The following SEC14L2 variants were observed in gnomAD, a reference collection of about 807,000 sequenced individuals.
SEC14L2 encodes SEC14 like lipid binding 2, also known as SEC14-like protein 2.
SEC14L2 carries 50 observed loss-of-function variants against 56.9 expected under a neutral mutation model. The observed-to-expected ratio is 0.88, with a 90% CI of 0.70 to 1.11. The LOEUF (loss-of-function observed/expected upper bound fraction) is 1.11. Ranked by LOEUF, SEC14L2 falls within the 50% of genes most tolerant of loss-of-function variation. The pLI, the probability that SEC14L2 is intolerant of heterozygous loss-of-function variation, is 0.00. For missense variants in SEC14L2, 414 were observed against 500.7 expected (o/e 0.83, Z 1.65); for synonymous variants, 179 against 188.5 (o/e 0.95, Z 0.41).
intron 2 of SEC14L2, among the ~76,000 whole-genome samples, chr22:30,401,680 A>ATTTTTT (rs61523027): frequency 7.1e-6 from 1 of 139,928 alleles, no homozygotes. Context: ...CGCCCGGCTA[A>ATTTTTT]TTTTTTTTTT....
intron 11 of SEC14L2, chr22:30,421,899 A>G (rs1201205193): frequency 5.8e-6 from 1 of 173,594 alleles, no homozygotes; most frequent in Admixed American, 5.9e-5. Context: ...CACAGCTATT[A>G]TTGTTATTAC....
intron 11 of SEC14L2, among the ~76,000 whole-genome samples, chr22:30,417,943 T>C (rs1444879525): frequency 1.3e-5 from 2 of 152,020 alleles, no homozygotes; most frequent in Non-Finnish European, 2.9e-5. Context: ...GGCGGAATAT[T>C]CTTATTAGTG....
At position 30,409,261 on chromosome 22, in the gene SEC14L2, T is replaced by C; in HGVS notation, c.498T>C (p.Pro166=). ...EGLGLKHLWK[P]AVEAYGEFLC... Reference sequence around the variant, plus strand: ...TTGGCCTCAAGCATCTCTGGAAGCCTGCTGTGGAGGCCTATGGAGAGGTGA... The same window carrying C: ...TTGGCCTCAAGCATCTCTGGAAGCCCGCTGTGGAGGCCTATGGAGAGGTGA... The change falls in exon 6 of 12, where the codon CCT becomes CCC. Residue 166 remains proline, a synonymous_variant. Coordinates refer to ENST00000615189, the MANE Select transcript of SEC14L2 (RefSeq NM_012429.5). 1 of 1,611,320 alleles carries C rather than the reference T, an allele frequency of 6.2e-7. No homozygotes were observed. The highest frequency in any genetic ancestry group is 8.5e-7 in the Non-Finnish European group (1 of 1,179,476).
At chr22:30,404,760 G>A (rs753228726) in intron 2 of SEC14L2, among the ~76,000 whole-genome samples, 5 of 152,168 alleles carry the variant, frequency 3.3e-5, no homozygotes, top group Non-Finnish European at 4.4e-5. Flanking sequence ...TGAGTTAAGG[G>A]TGTTGCCTGT....
At position 30,416,270 on chromosome 22, in the gene SEC14L2, T is replaced by C; in HGVS notation, c.948T>C (p.Phe316=). 1.2e-6 allele frequency: 2 copies of C among 1,614,220 alleles called. No individual in the cohort carries two copies. The highest frequency in any genetic ancestry group is 2.2e-5 in the East Asian group (1 of 44,882). ...QFMSDGADVG[F]GIFLKTKMGE... ...TGTCAGATGGAGCGGATGTTGGTTT[T>C]GGGATTTTCCTGAAGACCAAGATGG... The change falls in exon 11 of 12, where the codon TTT becomes TTC. Residue 316 remains phenylalanine (F), a synonymous_variant. Coordinates refer to ENST00000615189, the MANE Select transcript of SEC14L2 (RefSeq NM_012429.5).
chr22:30,424,686 C>T lies in SEC14L2; in HGVS notation c.*2279C>T. ...TTTTGCAGACGTGGGAACTGGGGCTCAGGGAGGCTAACAGCCAGTAGGCGG... is the reference window on the plus strand; with the variant it reads ...TTTTGCAGACGTGGGAACTGGGGCTTAGGGAGGCTAACAGCCAGTAGGCGG... On this transcript the variant is annotated 3_prime_UTR_variant, in exon 12 of 12. Coordinates refer to ENST00000615189, the MANE Select transcript of SEC14L2 (RefSeq NM_012429.5). The T allele has an allele frequency of 4.4e-6, 2 of 456,324 alleles. No individual in the cohort carries two copies. Among genetic ancestry groups the T allele is most frequent in the South Asian group, 3.1e-5 (2 of 64,534 alleles). The allele number at this position is 456,324 out of a possible 1,614,324, so 28.3% of individuals were successfully genotyped here.
chr22:30,422,439 A>C lies in SEC14L2; in HGVS notation c.*32A>C. 6.2e-7 allele frequency: 1 copy of C among 1,612,936 alleles called. No individual in the cohort carries two copies. On this transcript the variant is annotated 3_prime_UTR_variant, in exon 12 of 12. Transcript: ENST00000615189. ...CTCCTATAGCAGGCCTGGCCCCCTC[A>C]GTGTCTCCCTGTCAATTTCTACCCC... is the stretch of plus-strand genomic sequence containing the variant.
At chr22:30,416,700 G>C in intron 11 of SEC14L2, 1 of 1,397,310 alleles carries the variant, frequency 7.2e-7, no homozygotes. Flanking sequence ...GGTCTAACTG[G>C]GTCTGTGACT....
chr22:30,412,533 C>T (rs1335741045), intron 8 of SEC14L2, among the ~76,000 whole-genome samples: 1 of 151,978 alleles, frequency 6.6e-6, no homozygotes, highest in East Asian at 1.9e-4. Context: ...TTATTTAGGG[C>T]CAGGCGCAGT....
chr22:30,399,476 C>G (rs1012155126), intron 1 of SEC14L2, among the ~76,000 whole-genome samples, 167 bp from the exon 2 acceptor site: 3 of 143,270 alleles, frequency 2.1e-5, no homozygotes, highest in Non-Finnish European at 4.5e-5. Context: ...GATCGCCCAC[C>G]GCACTCCAGC....
At chr22:30,417,129 A>C (rs965311511) in intron 11 of SEC14L2, among the ~76,000 whole-genome samples, 1 of 152,234 alleles carries the variant, frequency 6.6e-6, no homozygotes, top group African/African-American at 2.4e-5. Flanking sequence ...AATGTTAAAG[A>C]GAATAAACTG....
intron 4 of SEC14L2, 25 bp downstream of exon 4, chr22:30,407,179 T>TC: frequency 6.2e-7 from 1 of 1,612,780 alleles, no homozygotes; most frequent in Non-Finnish European, 8.5e-7. Flanking sequence ...TCCCACCTCA[T>TC]CCCTATGCTA....
At chr22:30,410,145 C>T (rs1335837656) in intron 7 of SEC14L2, among the ~76,000 whole-genome samples, 1 of 149,660 alleles carries the variant, frequency 6.7e-6, no homozygotes, top group Non-Finnish European at 1.5e-5. Flanking sequence ...ATGCAGTGAG[C>T]TGAGAGCTCA....
intron 2 of SEC14L2, among the ~76,000 whole-genome samples, chr22:30,400,632 C>T (rs1041272587): frequency 1.2e-4 from 18 of 151,908 alleles, no homozygotes; most frequent in Non-Finnish European, 2.4e-4. Context: ...CGGTGGCTCA[C>T]GCCTGTAATC....
chr22:30,416,181 G>C (rs879193153), intron 10 of SEC14L2, 53 bp from the exon 11 acceptor site: 17 of 1,608,978 alleles, frequency 1.1e-5, no homozygotes, highest in Non-Finnish European at 2.6e-6. Flanking sequence ...CCAGGACCCC[G>C]GAGAGGGCAC....
intron 11 of SEC14L2, among the ~76,000 whole-genome samples, chr22:30,419,537 T>C (rs2146042404): frequency 6.6e-6 from 1 of 152,308 alleles, no homozygotes; most frequent in East Asian, 1.9e-4. Context: ...AGAGAGACTC[T>C]GTCTCAAAAC....
At chr22:30,397,843 A>C (rs1933801470) in intron 1 of SEC14L2, 1 of 471,102 alleles carries the variant, frequency 2.1e-6, no homozygotes. Context: ...TCAGGACTTA[A>C]GGTTTATGCT....
chr22:30,421,905 A>G (rs1159552997), intron 11 of SEC14L2: 4 of 177,592 alleles, frequency 2.3e-5, no homozygotes, highest in African/African-American at 9.5e-5. Context: ...TATTATTGTT[A>G]TTACAACTGC....
At chr22:30,417,188 C>A (rs1276716540) in intron 11 of SEC14L2, among the ~76,000 whole-genome samples, 1 of 152,124 alleles carries the variant, frequency 6.6e-6, no homozygotes, top group Non-Finnish European at 1.5e-5. Context: ...TGAAACACAG[C>A]ATGTATGGTA....
Sources: allele counts gnomAD v4.1 joint callset (sites outside exome capture counted in the v4.1 genomes callset), GRCh38; gene constraint gnomAD v4.1.1; transcripts MANE v1.5; gene names NCBI Gene and HGNC (gene_info 2026-07-23, HGNC 2026-07-21).